Variants in RBFOX1 observed in about 807,000 individuals in gnomAD.
The protein encoded by RBFOX1 is RNA binding protein fox-1 homolog 1.
A neutral mutation model predicts 57.7 loss-of-function variants in RBFOX1; 8 were observed. The observed-to-expected ratio is 0.14, with a 90% CI of 0.08 to 0.25. RBFOX1 has a LOEUF of 0.25. Among genes scored for constraint, RBFOX1 ranks in the 10% least tolerant of loss-of-function variants. The pLI is 1.00. For missense variants in RBFOX1, 611 were observed against 548.5 expected (o/e 1.11, Z -1.14); for synonymous variants, 326 against 222.4 (o/e 1.47, Z -4.15).
chr16:7,240,983 C>G (rs903930011), intron 4 of RBFOX1, among the ~76,000 whole-genome samples: 10 of 152,316 alleles, frequency 6.6e-5, no homozygotes, highest in African/African-American at 2.4e-4. Flanking sequence ...CCACACCTTC[C>G]CAAACAATTC....
At chr16:5,921,908 T>G (rs577268720) in intron 4 of RBFOX1, among the ~76,000 whole-genome samples, 17 of 151,956 alleles carry the variant, frequency 1.1e-4, no homozygotes, top group Admixed American at 9.8e-4. Context: ...TCCCAGCACT[T>G]TGGGAAGGCA....
At chr16:6,240,544 TTCA>T (rs1265542199) in intron 1 of RBFOX1, among the ~76,000 whole-genome samples, 1 of 152,100 alleles carries the variant, frequency 6.6e-6, no homozygotes. Flanking sequence ...TTTCAAACTC[TTCA>T]TCATCTTATA....
chr16:6,834,524 A>ATGAG (rs1194962608), intron 3 of RBFOX1, among the ~76,000 whole-genome samples: 1 of 152,012 alleles, frequency 6.6e-6, no homozygotes, highest in Non-Finnish European at 1.5e-5. Context: ...GAATGAATGA[A>ATGAG]TGAATCAGTT....
intron 3 of RBFOX1, among the ~76,000 whole-genome samples, chr16:5,826,792 ATATAT>A (rs1657446079): frequency 6.6e-6 from 1 of 152,182 alleles, no homozygotes; most frequent in Admixed American, 6.5e-5. Flanking sequence ...ATAATTCCAA[ATATAT>A]TATTTATTCA....
At chr16:5,779,147 T>C (rs2054243632) in intron 3 of RBFOX1, among the ~76,000 whole-genome samples, 1 of 152,172 alleles carries the variant, frequency 6.6e-6, no homozygotes, top group Non-Finnish European at 1.5e-5. Context: ...TGAAAATAAA[T>C]TGCATACCCA....
intron 1 of RBFOX1, among the ~76,000 whole-genome samples, chr16:5,318,362 C>G (rs536721452): frequency 5.8e-4 from 88 of 152,216 alleles, no homozygotes; most frequent in African/African-American, 2.0e-3. Flanking sequence ...CTCCTGACCT[C>G]AAGTGATGCA....
intron 4 of RBFOX1, among the ~76,000 whole-genome samples, chr16:7,093,890 T>G (rs2061270257): frequency 1.3e-5 from 2 of 152,074 alleles, no homozygotes; most frequent in African/African-American, 4.8e-5. Flanking sequence ...CAAAACTCAT[T>G]GAATATTTGT....
intron 2 of RBFOX1, among the ~76,000 whole-genome samples, chr16:6,474,255 C>T (rs1029505908): frequency 1.6e-4 from 24 of 152,202 alleles, no homozygotes; most frequent in Non-Finnish European, 1.6e-4. Flanking sequence ...AATCCCATTT[C>T]GATGTGAGGG....
intron 2 of RBFOX1, among the ~76,000 whole-genome samples, chr16:6,449,320 G>A (rs1392489589): frequency 3.9e-5 from 6 of 152,162 alleles, no homozygotes; most frequent in Non-Finnish European, 4.4e-5. Context: ...TGCCTTCTGT[G>A]GGGCATCCAG....
intron 4 of RBFOX1, among the ~76,000 whole-genome samples, chr16:7,060,641 C>G (rs980001944): frequency 6.6e-6 from 1 of 152,128 alleles, no homozygotes; most frequent in East Asian, 1.9e-4. Flanking sequence ...CCCCATCTGT[C>G]TATAATGGAA....
intron 1 of RBFOX1, among the ~76,000 whole-genome samples, chr16:5,301,200 A>G (rs1205402016): frequency 6.6e-6 from 1 of 152,164 alleles, no homozygotes; most frequent in Non-Finnish European, 1.5e-5. Flanking sequence ...GCTTGTTCTA[A>G]TGGAAGCCAG....
intron 3 of RBFOX1, among the ~76,000 whole-genome samples, chr16:6,725,042 C>CTTTTTTTTTT (rs1186629170): frequency 2.0e-5 from 1 of 49,816 alleles, no homozygotes; most frequent in Non-Finnish European, 4.8e-5. Flanking sequence ...TTTTGGCTAG[C>CTTTTTTTTTT]TTTTTTTTTT....
intron 3 of RBFOX1, among the ~76,000 whole-genome samples, chr16:5,735,256 C>A (rs145265953): frequency 6.6e-6 from 1 of 152,168 alleles, no homozygotes; most frequent in Non-Finnish European, 1.5e-5. Flanking sequence ...ACCAAGGAGA[C>A]GTCTTCAAGC....
At chr16:5,780,944 A>G (rs1567532845) in intron 3 of RBFOX1, among the ~76,000 whole-genome samples, 1 of 152,230 alleles carries the variant, frequency 6.6e-6, no homozygotes, top group Non-Finnish European at 1.5e-5. Flanking sequence ...CAAAGTGACA[A>G]TTCCAGTGTG....
intron 4 of RBFOX1, among the ~76,000 whole-genome samples, chr16:7,256,447 A>G (rs1198747198): frequency 6.6e-6 from 1 of 152,138 alleles, no homozygotes; most frequent in Non-Finnish European, 1.5e-5. Flanking sequence ...TCAATCTTTT[A>G]TGGCATTATT....
chr16:6,435,593 C>A (rs1042280550), intron 2 of RBFOX1, among the ~76,000 whole-genome samples: 4 of 152,152 alleles, frequency 2.6e-5, no homozygotes, highest in Non-Finnish European at 2.9e-5. Context: ...TGTGAGCCAC[C>A]ATGCCTGGCC....
intron 1 of RBFOX1, among the ~76,000 whole-genome samples, chr16:5,440,369 G>C (rs2068047634): frequency 6.6e-6 from 1 of 152,168 alleles, no homozygotes; most frequent in Non-Finnish European, 1.5e-5. Context: ...TTTCTGCCAA[G>C]TATCACAAGT....
intron 4 of RBFOX1, among the ~76,000 whole-genome samples, chr16:7,390,031 TG>T (rs2097967674): frequency 6.6e-6 from 1 of 152,090 alleles, no homozygotes; most frequent in Non-Finnish European, 1.5e-5. Context: ...CTTATAATCA[TG>T]GCAGAAGGTG....
At chr16:5,510,824 C>G (rs11639928) in intron 2 of RBFOX1, among the ~76,000 whole-genome samples, 73,201 of 151,774 alleles carry the variant, frequency 0.48, 18,125 homozygotes, top group African/African-American at 0.59. Context: ...AGCCTCCCAG[C>G]CCTCCACCCA....
Sources: gnomAD v4.1 joint callset for allele counts (sites outside exome capture counted in the v4.1 genomes callset) on GRCh38, gnomAD v4.1.1 for gene constraint, MANE v1.5 for transcripts, NCBI Gene and HGNC (gene_info 2026-07-23, HGNC 2026-07-21) for gene names.